The following PTPRD variants were observed in gnomAD, a reference collection of about 807,000 sequenced individuals.
PTPRD encodes protein tyrosine phosphatase receptor type D.
PTPRD carries 34 observed loss-of-function variants against 214.5 expected under a neutral mutation model. The ratio of observed to expected loss-of-function variants is 0.16; its 90% CI spans 0.12 to 0.21. The LOEUF (loss-of-function observed/expected upper bound fraction) is 0.21. Among genes scored for constraint, PTPRD ranks in the 10% least tolerant of loss-of-function variants. The probability of loss-of-function intolerance (pLI) is 1.00; values close to 1 mark genes in which losing one functional copy is unlikely to be tolerated. For missense variants in PTPRD, 2,545 were observed against 2,398.7 expected (o/e 1.06, Z -1.27); for synonymous variants, 1,128 against 845.7 (o/e 1.33, Z -5.79).
At chr9:9,799,757 T>A (rs2099026876) in intron 5 of PTPRD, 1 of 151,608 alleles carries the variant, frequency 6.6e-6, no homozygotes. Flanking sequence ...AAATAAAGGG[T>A]TAAAAGTAAC....
At chr9:8,689,014 G>A (rs927768061) in intron 12 of PTPRD, among the ~76,000 whole-genome samples, 1 of 152,142 alleles carries the variant, frequency 6.6e-6, no homozygotes, top group Non-Finnish European at 1.5e-5. Context: ...GGGCAAAAAA[G>A]AGGCTCTTCA....
intron 9 of PTPRD, among the ~76,000 whole-genome samples, chr9:9,287,795 A>T (rs1949979479): frequency 6.6e-6 from 1 of 151,968 alleles, no homozygotes; most frequent in South Asian, 2.1e-4. Flanking sequence ...AGATGTGGCT[A>T]AAGTAAGTAT....
chr9:9,180,213 A>G (rs2099927394), intron 10 of PTPRD, among the ~76,000 whole-genome samples: 1 of 151,680 alleles, frequency 6.6e-6, no homozygotes, highest in Non-Finnish European at 1.5e-5. Flanking sequence ...TCCAACAATG[A>G]TAGACTGGAT....
At chr9:9,607,007 T>C (rs1350033114) in intron 7 of PTPRD, among the ~76,000 whole-genome samples, 1 of 74,976 alleles carries the variant, frequency 1.3e-5, no homozygotes, top group Non-Finnish European at 2.5e-5. Context: ...AAAAAAAAAG[T>C]GTTTCTGCCA....
intron 9 of PTPRD, among the ~76,000 whole-genome samples, chr9:9,189,848 T>C (rs1469563675): frequency 6.6e-6 from 1 of 152,078 alleles, no homozygotes; most frequent in Non-Finnish European, 1.5e-5. Context: ...GATATTTCCA[T>C]TTCTCATCTT....
chr9:9,207,449 G>C (rs997360532), intron 9 of PTPRD, among the ~76,000 whole-genome samples: 1 of 151,938 alleles, frequency 6.6e-6, no homozygotes, highest in Non-Finnish European at 1.5e-5. Context: ...AGACAAATGA[G>C]TTAGGGAAAC....
intron 8 of PTPRD, among the ~76,000 whole-genome samples, chr9:9,567,280 T>C (rs2084872707): frequency 1.3e-5 from 2 of 151,740 alleles, no homozygotes; most frequent in Admixed American, 6.6e-5. Flanking sequence ...AGGGGTGGGA[T>C]TGTTGTGTTA....
intron 9 of PTPRD, among the ~76,000 whole-genome samples, chr9:9,285,543 A>G (rs1949084692): frequency 6.6e-6 from 1 of 151,794 alleles, no homozygotes; most frequent in Non-Finnish European, 1.5e-5. Context: ...GGCATTAGCA[A>G]TTGTGCAAGT....
intron 11 of PTPRD, among the ~76,000 whole-genome samples, chr9:8,794,528 T>C (rs989376214): frequency 6.7e-6 from 1 of 148,380 alleles, no homozygotes; most frequent in Non-Finnish European, 1.5e-5. Flanking sequence ...TTTTTTTTTT[T>C]AGACAAAGTC....
intron 10 of PTPRD, among the ~76,000 whole-genome samples, chr9:9,169,990 C>T (rs1276009573): frequency 6.6e-6 from 1 of 152,158 alleles, no homozygotes; most frequent in East Asian, 1.9e-4. Context: ...TGTCATTTTG[C>T]AAGCACCACA....
At chr9:9,295,435 T>C (rs2134338275) in intron 9 of PTPRD, among the ~76,000 whole-genome samples, 1 of 151,802 alleles carries the variant, frequency 6.6e-6, no homozygotes, top group South Asian at 2.1e-4. Context: ...GTAACATAAA[T>C]ATGCAGTGTA....
intron 28 of PTPRD, 103 bp from the exon 29 acceptor site, chr9:8,485,427 T>C (rs1037979330): frequency 1.4e-5 from 11 of 765,964 alleles, no homozygotes; most frequent in Non-Finnish European, 1.9e-5. Context: ...CTGTCTACTT[T>C]GATCAGAGAG....
At chr9:9,275,194 A>AT (rs1308615338) in intron 9 of PTPRD, among the ~76,000 whole-genome samples, 4 of 11,042 alleles carry the variant, frequency 3.6e-4, no homozygotes, top group Admixed American at 3.0e-3. Context: ...TTATATATAT[A>AT]TATATTATAT....
intron 9 of PTPRD, among the ~76,000 whole-genome samples, chr9:9,190,884 G>T (rs58707419): frequency 0.028 from 4,254 of 152,110 alleles, 147 homozygotes; most frequent in African/African-American, 0.075. Context: ...TGAGACTTTG[G>T]GGGACTGTTG....
intron 5 of PTPRD, among the ~76,000 whole-genome samples, chr9:9,886,824 G>T (rs2071113154): frequency 6.6e-6 from 1 of 152,064 alleles, no homozygotes; most frequent in Non-Finnish European, 1.5e-5. Context: ...ATGCTTTGAT[G>T]AAGTTCAAAT....
rs146138515 is a variant in PTPRD at position 9,475,703 on chromosome 9, T to C, written c.-236-78221A>G. On this transcript the variant is annotated intron_variant, in intron 8 of 45. Coordinates refer to ENST00000381196, the MANE Select transcript of PTPRD (RefSeq NM_002839.4). ...AGATAGCTTCCAGTTAAATAATTCC[T>C]GAATGTTGATTTTCATTAGACTATC... Among the ~76,000 whole-genome samples the C allele has an allele frequency of 2.5e-3, 386 of 152,344 alleles. 4 individuals carry two copies. Among genetic ancestry groups the C allele is most frequent in the African/African-American group, 8.9e-3 (372 of 41,584 alleles).
intron 11 of PTPRD, among the ~76,000 whole-genome samples, chr9:8,923,621 C>CA (rs530457346): frequency 1.1e-4 from 16 of 151,282 alleles, no homozygotes; most frequent in East Asian, 7.7e-4. Flanking sequence ...TTTAAAAATG[C>CA]AAAAAAAAGT....
chr9:9,742,871 T>C (rs1351905860), intron 6 of PTPRD, among the ~76,000 whole-genome samples: 1 of 152,184 alleles, frequency 6.6e-6, no homozygotes, highest in East Asian at 1.9e-4. Context: ...AGGTTTTGCT[T>C]TTTTATTGTT....
At chr9:8,452,750 G>C (rs2096010106) in intron 33 of PTPRD, among the ~76,000 whole-genome samples, 1 of 152,096 alleles carries the variant, frequency 6.6e-6, no homozygotes, top group Non-Finnish European at 1.5e-5. Flanking sequence ...AAAAGCATGT[G>C]GTTGTTTGGG....
Sources: allele counts gnomAD v4.1 joint callset (sites outside exome capture counted in the v4.1 genomes callset), GRCh38; gene constraint gnomAD v4.1.1; transcripts MANE v1.5; gene names NCBI Gene and HGNC (gene_info 2026-07-23, HGNC 2026-07-21).